Variants in EPHA7 observed in about 807,000 individuals in gnomAD.
The protein encoded by EPHA7 is EPH receptor A7.
A neutral mutation model predicts 112.6 loss-of-function variants in EPHA7; 25 were observed. That is an observed-to-expected ratio of 0.22 (90% confidence interval 0.16 to 0.31). The LOEUF is 0.31. EPHA7 is among the 10% of genes least tolerant of loss of function. The pLI is 1.00. For missense variants in EPHA7, 962 were observed against 1,212.6 expected (o/e 0.79, Z 3.07); for synonymous variants, 437 against 406.5 (o/e 1.07, Z -0.90).
chr6:93,386,172 A>G (rs567126277), intron 3 of EPHA7, among the ~76,000 whole-genome samples: 1 of 152,226 alleles, frequency 6.6e-6, no homozygotes, highest in African/African-American at 2.4e-5. Context: ...CAAAGACTTA[A>G]CTCATTCCAG....
intron 3 of EPHA7, among the ~76,000 whole-genome samples, chr6:93,369,835 T>C (rs1776698043): frequency 6.6e-6 from 1 of 152,230 alleles, no homozygotes; most frequent in Admixed American, 6.5e-5. Context: ...ATTATGCATC[T>C]GGTGACACCA....
intron 5 of EPHA7, among the ~76,000 whole-genome samples, chr6:93,327,933 A>G (rs1373008474): frequency 6.6e-6 from 1 of 151,538 alleles, no homozygotes; most frequent in African/African-American, 2.4e-5. Flanking sequence ...ATCTAAAGCC[A>G]GTGGTTATAA....
intron 2 of EPHA7, among the ~76,000 whole-genome samples, chr6:93,413,577 G>T (rs1489568495): frequency 6.6e-6 from 1 of 151,752 alleles, no homozygotes; most frequent in African/African-American, 2.4e-5. Flanking sequence ...CTCAAGAAAG[G>T]TGTTATATTC....
At chr6:93,414,435 T>C (rs1779124192) in intron 2 of EPHA7, among the ~76,000 whole-genome samples, 1 of 151,902 alleles carries the variant, frequency 6.6e-6, no homozygotes, top group Admixed American at 6.6e-5. Context: ...AGTTAGCATT[T>C]ACAGCCTGGA....
intron 3 of EPHA7, among the ~76,000 whole-genome samples, chr6:93,401,599 A>G: frequency 6.6e-6 from 1 of 152,068 alleles, no homozygotes; most frequent in East Asian, 1.9e-4. Flanking sequence ...CTACCAGATT[A>G]AAAAATAAAA....
At chr6:93,291,469 A>AT (rs1486739458) in intron 5 of EPHA7, among the ~76,000 whole-genome samples, 1 of 152,196 alleles carries the variant, frequency 6.6e-6, no homozygotes, top group Non-Finnish European at 1.5e-5. Context: ...TAAACAACAG[A>AT]TAAAAAATAC....
At position 93,243,030 on chromosome 6, in the gene EPHA7, T is replaced by C. The variant is rs1285816764; in HGVS notation, c.*396A>G. On this transcript the variant is annotated 3_prime_UTR_variant, in exon 17 of 17. Coordinates refer to ENST00000369303, the MANE Select transcript of EPHA7 (RefSeq NM_004440.4). ...GATTTTAAAAAGGAATAGTCTGAAATCACATATTTAAGGAAAATATTTCAT... is the reference window on the plus strand; with the variant it reads ...GATTTTAAAAAGGAATAGTCTGAAACCACATATTTAAGGAAAATATTTCAT... 4.5e-6 allele frequency: 1 copy of C among 223,216 alleles called. No homozygotes were observed. The highest frequency in any genetic ancestry group is 2.2e-5 in the African/African-American group (1 of 44,776). 13.8% of individuals were successfully genotyped at this position (223,216 alleles called of 1,614,324 possible). A position where few individuals can be genotyped will look rare whatever the true frequency, so the allele number is the denominator to read the frequency against.
chr6:93,327,942 A>G (rs553778930), intron 5 of EPHA7, among the ~76,000 whole-genome samples: 8 of 151,604 alleles, frequency 5.3e-5, no homozygotes, highest in African/African-American at 1.9e-4. Context: ...CAGTGGTTAT[A>G]ATGACTTGCA....
chr6:93,358,182 AT>A, intron 4 of EPHA7, 73 bp downstream of exon 4: 7 of 1,128,944 alleles, frequency 6.2e-6, no homozygotes, highest in Non-Finnish European at 8.2e-6. Context: ...TTCAATATCT[AT>A]TTCATTGATG....
chr6:93,363,536 C>A (rs1178948256), intron 3 of EPHA7, among the ~76,000 whole-genome samples: 1 of 152,056 alleles, frequency 6.6e-6, no homozygotes, highest in African/African-American at 2.4e-5. Flanking sequence ...CACACATCTA[C>A]TAGGATGGCT....
At chr6:93,403,490 G>C (rs1241138714) in intron 3 of EPHA7, among the ~76,000 whole-genome samples, 1 of 151,728 alleles carries the variant, frequency 6.6e-6, no homozygotes, top group African/African-American at 2.4e-5. Flanking sequence ...CTCAAAAAGA[G>C]AAGCCAGGCA....
intron 5 of EPHA7, among the ~76,000 whole-genome samples, chr6:93,342,068 A>ATT (rs1478896907): frequency 6.6e-6 from 1 of 151,826 alleles, no homozygotes; most frequent in Non-Finnish European, 1.5e-5. Flanking sequence ...ACTTGGTGAG[A>ATT]TTAATTACCT....
intron 3 of EPHA7, among the ~76,000 whole-genome samples, chr6:93,401,480 AC>A (rs1778435349): frequency 6.6e-6 from 1 of 152,106 alleles, no homozygotes; most frequent in Admixed American, 6.6e-5. Flanking sequence ...TGTAACATAT[AC>A]CTACAGATTC....
chr6:93,346,456 T>C (rs539042890), intron 5 of EPHA7, among the ~76,000 whole-genome samples: 46 of 151,964 alleles, frequency 3.0e-4, no homozygotes, highest in African/African-American at 1.0e-3. Context: ...ATCAGGTAAC[T>C]GGTTTCAGTC....
rs754951991 is a variant in EPHA7 at position 93,410,904 on chromosome 6, A to G, written c.429T>C (p.Tyr143=). The G allele has an allele frequency of 8.1e-6, 13 of 1,613,852 alleles. No homozygotes were observed. The African/African-American group carries it at 1.1e-4, about 13-fold the overall frequency. ...DTGRNIRENL[Y]VKIDTIAADE... ...CTGCAGCAATGGTGTCTATTTTTACATAGAGGTTTTCTCTTATATTCCTGC... is the reference window on the plus strand; with the variant it reads ...CTGCAGCAATGGTGTCTATTTTTACGTAGAGGTTTTCTCTTATATTCCTGC... Residue 143 remains tyrosine (Y), a synonymous_variant, in exon 3 of 17, where the codon TAT becomes TAC. Coordinates refer to ENST00000369303, the MANE Select transcript of EPHA7 (RefSeq NM_004440.4). This position sits in a 1 kb window ranked among gnomAD's most constrained non-coding sequence, Gnocchi z 4.0.
chr6:93,414,414 TCCCTGTAATTAGTTAGCATTTACAGC>T (rs1371877458), intron 2 of EPHA7, among the ~76,000 whole-genome samples: 1 of 151,908 alleles, frequency 6.6e-6, no homozygotes, highest in Non-Finnish European at 1.5e-5. Flanking sequence ...AAAGGAATGT[TCCCTGTAATTAGTTAGCATTTACAGC>T]CTGGACCCTG....
At chr6:93,269,394 A>C (rs892145886) in intron 7 of EPHA7, 83 bp downstream of exon 7, 32 of 1,106,606 alleles carry the variant, frequency 2.9e-5, no homozygotes, top group South Asian at 3.4e-5. Flanking sequence ...ATGATGGTGC[A>C]AATGATCACC....
chr6:93,306,083 T>C (rs1773243046), intron 5 of EPHA7, among the ~76,000 whole-genome samples: 1 of 151,996 alleles, frequency 6.6e-6, no homozygotes, highest in South Asian at 2.1e-4. Flanking sequence ...GAATCATACT[T>C]ACTTGAACTA....
intron 3 of EPHA7, among the ~76,000 whole-genome samples, chr6:93,370,989 C>CAAAAAAAAA (rs1231694778): frequency 2.2e-5 from 2 of 90,056 alleles, no homozygotes. Flanking sequence ...ACGAAAAATA[C>CAAAAAAAAA]AAAAAAAAAA....
Sources: allele counts gnomAD v4.1 joint callset (sites outside exome capture counted in the v4.1 genomes callset), GRCh38; gene constraint gnomAD v4.1.1; non-coding constraint Gnocchi (gnomAD v3.1); transcripts MANE v1.5; gene names NCBI Gene and HGNC (gene_info 2026-07-23, HGNC 2026-07-21).